ZYX: variants seen among roughly 807,000 people sequenced by gnomAD.
ZYX encodes the protein zyxin, also known as zyxin-2.
A neutral mutation model predicts 58.1 loss-of-function variants in ZYX; 37 were observed. The ratio of observed to expected loss-of-function variants is 0.64; its 90% confidence interval spans 0.49 to 0.84. The LOEUF (loss-of-function observed/expected upper bound fraction) is 0.84, where lower values mean the gene tolerates loss of function less well. ZYX is among the 40% of genes least tolerant of loss of function. The pLI is 0.00. For synonymous variants in ZYX, 324 were observed against 321.1 expected (o/e 1.01, Z -0.10); for missense variants, 762 against 761.6 (o/e 1.00, Z -0.01).
Position 143,388,450 on chromosome 7 carries a change from C to A in ZYX, c.1145-39C>A, listed in dbSNP as rs1204613257. On this transcript the variant is annotated intron_variant, in intron 6 of 9. Transcript: ENST00000322764. This position sits in a 1 kb window ranked among gnomAD's most constrained non-coding sequence, Gnocchi z 7.5. ...GGCTGATCCCTCGCAGCTCTACATACTTCCTTCTATTTACTGCTGTCTTCT... is the reference window on the plus strand; with the variant it reads ...GGCTGATCCCTCGCAGCTCTACATAATTCCTTCTATTTACTGCTGTCTTCT... The A allele has an allele frequency of 1.9e-6, 3 of 1,606,428 alleles. No homozygotes were observed. Among genetic ancestry groups the A allele is most frequent in the Admixed American group, 1.7e-5 (1 of 59,758 alleles).
rs573229236 is a variant in ZYX at position 143,384,974 on chromosome 7, G to C, written c.1023+1652G>C. On this transcript the variant is annotated intron_variant, in intron 5 of 9. Coordinates refer to ENST00000322764, the MANE Select transcript of ZYX (RefSeq NM_003461.5). This position sits in a 1 kb window ranked among gnomAD's most constrained non-coding sequence, Gnocchi z 4.9. The stretch of plus-strand genomic sequence containing the variant: ...GGCCAGAGATGTCTAGCATGGTAGT[G>C]GGGCACAGTGACACTGTGACGCTGG... Among the ~76,000 whole-genome samples, 2 of 152,232 alleles carry C rather than the reference G, an allele frequency of 1.3e-5. No individual in the cohort carries two copies. Among genetic ancestry groups the C allele is most frequent in the South Asian group, 4.1e-4 (2 of 4,820 alleles).
At position 143,388,434 on chromosome 7, in the gene ZYX, C is replaced by A; in HGVS notation, c.1145-55C>A. 3 of 1,604,916 alleles carry A rather than the reference C, an allele frequency of 1.9e-6. No individual in the cohort carries two copies. The highest frequency in any genetic ancestry group is 2.6e-6 in the Non-Finnish European group (3 of 1,173,630). ...ACTCCCTATCTGAGCTGGCTGATCC[C>A]TCGCAGCTCTACATACTTCCTTCTA... On this transcript the variant is annotated intron_variant, in intron 6 of 9. Coordinates refer to ENST00000322764, the MANE Select transcript of ZYX (RefSeq NM_003461.5). This position sits in a 1 kb window ranked among gnomAD's most constrained non-coding sequence, Gnocchi z 7.5.
Position 143,382,696 on chromosome 7 carries a change from G to A in ZYX, c.501+11G>A, listed in dbSNP as rs774513172. ...CCTTTCAAAGCCCGGGTAAGGGACC[G>A]GAGAGTAGGAAAAGCAGGGCTCAGG... On this transcript the variant is annotated intron_variant, in intron 4 of 9. Coordinates refer to ENST00000322764, the MANE Select transcript of ZYX (RefSeq NM_003461.5). The A allele has an allele frequency of 5.6e-6, 9 of 1,614,090 alleles. No homozygotes were observed. Among genetic ancestry groups the A allele is most frequent in the Non-Finnish European group, 6.8e-6 (8 of 1,179,982 alleles).
At chr7:143,383,441 T>C in intron 5 of ZYX, 119 bp downstream of exon 5, 2 of 1,146,994 alleles carry the variant, frequency 1.7e-6, no homozygotes, top group South Asian at 1.7e-5. Flanking sequence ...GGTTGCGGGG[T>C]GGCGGGATAG....
In ZYX at chr7:143,382,361, C is replaced by T. The variant is rs757116298; in HGVS notation, c.322C>T (p.Pro108Ser). The T allele has an allele frequency of 1.3e-6, 2 of 1,596,950 alleles. No homozygotes were observed. The highest frequency in any genetic ancestry group is 2.2e-5 in the East Asian group (1 of 44,572). The change falls in exon 3 of 10, where the codon CCT becomes TCT. Residue 108 changes from proline (P) to serine (S), a missense_variant. Pro to Ser is a moderately conservative substitution (Grantham distance 74). Transcript: ENST00000322764. ...GATCGAGGAATCATTTCCCCCTGCGCCTCTGGAGGAGGAGATCTTCCCTTC... is the reference window on the plus strand; with the variant it reads ...GATCGAGGAATCATTTCCCCCTGCGTCTCTGGAGGAGGAGATCTTCCCTTC... ...PPIEESFPPA[P>S]LEEEIFPSPP...
Position 143,383,204 on chromosome 7 carries a change from T to C in ZYX, c.905T>C (p.Leu302Pro), listed in dbSNP as rs751355894. ...PNQKLGHPEA[L>P]SAGTGSPQPP... The stretch of plus-strand genomic sequence containing the variant: ...CAAAAATTGGGGCACCCCGAAGCTC[T>C]TTCTGCTGGCACAGGCTCCCCTCAA... The change falls in exon 5 of 10, where the codon CTT (leucine) becomes CCT (proline). Residue 302 changes from leucine (L) to proline (P), a missense_variant. Transcript: ENST00000322764. The C allele has an allele frequency of 1.2e-5, 19 of 1,614,050 alleles. No homozygotes were observed. Among genetic ancestry groups the C allele is most frequent in the Admixed American group, 1.2e-4 (7 of 60,006 alleles).
At chr7:143,382,716 C>A in intron 4 of ZYX, 31 bp downstream of exon 4, 1 of 1,614,036 alleles carries the variant, frequency 6.2e-7, no homozygotes, top group East Asian at 2.2e-5. Context: ...AAAAGCAGGG[C>A]TCAGGGCCAG....
rs373566522 is a variant in ZYX at position 143,388,689 on chromosome 7, C to T, written c.1314+31C>T. 7 of 1,611,568 alleles carry T rather than the reference C, an allele frequency of 4.3e-6. No individual in the cohort carries two copies. The highest frequency in any genetic ancestry group is 5.9e-6 in the Non-Finnish European group (7 of 1,178,356). On this transcript the variant is annotated intron_variant, in intron 7 of 9. Coordinates refer to ENST00000322764, the MANE Select transcript of ZYX (RefSeq NM_003461.5). This position sits in a 1 kb window ranked among gnomAD's most constrained non-coding sequence, Gnocchi z 7.5. ...TCGGGCTGTGCTGGGCTGTGCTGGG[C>T]TGTGCTGGGCAGTCGGGCCCTGGAA...
intron 5 of ZYX, among the ~76,000 whole-genome samples, chr7:143,383,608 G>T (rs1169262213): frequency 6.6e-6 from 1 of 152,190 alleles, no homozygotes; most frequent in Non-Finnish European, 1.5e-5. Flanking sequence ...ACCTTTCCTT[G>T]TGCCTTTACC....
intron 1 of ZYX, 39 bp from the exon 2 acceptor site, chr7:143,381,518 G>T (rs999102347): frequency 4.4e-4 from 685 of 1,567,514 alleles, no homozygotes; most frequent in Non-Finnish European, 5.6e-4. Flanking sequence ...GGGCTCCTGA[G>T]CCCGGCTCCG....
In ZYX at chr7:143,383,260, G is replaced by A. The variant is rs202040821; in HGVS notation, c.961G>A (p.Glu321Lys). ...PPSFTYAQQREKPRVQEKQHP... is the reference protein window; with the variant it reads ...PPSFTYAQQRKKPRVQEKQHP... ...CAGCTTCACCTATGCCCAGCAGAGG[G>A]AGAAGCCCCGAGTGCAGGAGAAGCA... Residue 321 changes from glutamate (E) to lysine (K), a missense_variant, in exon 5 of 10, where the codon GAG becomes AAG. Physicochemically the swap from Glu to Lys is moderately conservative, Grantham distance 56 (BLOSUM62 1). Transcript: ENST00000322764. 1 of 1,613,934 alleles carries A rather than the reference G, an allele frequency of 6.2e-7. No homozygotes were observed. Among genetic ancestry groups the A allele is most frequent in the East Asian group, 2.2e-5 (1 of 44,860 alleles).
chr7:143,387,252 AGGGGCAGTGAAGCCAG>A lies in ZYX; in HGVS notation c.1024-964_1024-949del, dbSNP rs1301167274. Among the ~76,000 whole-genome samples, 2 of 151,342 alleles carry A rather than the reference AGGGGCAGTGAAGCCAG, an allele frequency of 1.3e-5. No homozygotes were observed. On this transcript the variant is annotated intron_variant, in intron 5 of 9. Coordinates refer to ENST00000322764, the MANE Select transcript of ZYX (RefSeq NM_003461.5). The surrounding 1 kb of genome is among the most constrained non-coding windows in gnomAD (Gnocchi z 5.8). ...CTGGGTACAGATGGGGGTCGGGGTG[AGGGGCAGTGAAGCCAG>A]GGCTGAGGGGAGAGGGGCTATGGGA...
At chr7:143,382,565 A>ATAGG (rs774097265) in intron 3 of ZYX, 28 bp from the exon 4 acceptor site, 1 of 1,611,362 alleles carries the variant, frequency 6.2e-7, no homozygotes. Context: ...GAGGCATGGA[A>ATAGG]TAGGTGCTCT....
At position 143,388,000 on chromosome 7, in the gene ZYX, C is replaced by A; in HGVS notation, c.1024-219C>A. The stretch of plus-strand genomic sequence containing the variant: ...GGGCAGAGTGGGTGGAAATGTCTTG[C>A]TGTACGAGATCCAGGCTTAGGTCCC... On this transcript the variant is annotated intron_variant, in intron 5 of 9. Coordinates refer to ENST00000322764, the MANE Select transcript of ZYX (RefSeq NM_003461.5). This position sits in a 1 kb window ranked among gnomAD's most constrained non-coding sequence, Gnocchi z 5.8. 1.6e-6 allele frequency: 1 copy of A among 613,232 alleles called. No homozygotes were observed. The highest frequency in any genetic ancestry group is 3.0e-6 in the Non-Finnish European group (1 of 338,010). 38.0% of individuals were successfully genotyped at this position (613,232 alleles called of 1,614,324 possible).
chr7:143,388,660 T>G lies in ZYX; in HGVS notation c.1314+2T>G, dbSNP rs113113492. 1 of 1,613,550 alleles carries G rather than the reference T, an allele frequency of 6.2e-7. No individual in the cohort carries two copies. Among genetic ancestry groups the G allele is most frequent in the Non-Finnish European group, 8.5e-7 (1 of 1,179,754 alleles). On this transcript the variant is annotated splice_donor_variant, in intron 7 of 9. Transcript: ENST00000322764. LOFTEE classifies it high-confidence loss of function. This position sits in a 1 kb window ranked among gnomAD's most constrained non-coding sequence, Gnocchi z 7.5. The stretch of plus-strand genomic sequence containing the variant: ...CCGTACTGCGAGGGCTGTTACACTG[T>G]GAGTCGGGCTGTGCTGGGCTGTGCT...
chr7:143,384,281 G>A lies in ZYX; in HGVS notation c.1023+959G>A, dbSNP rs776910607. 36 of 470,998 alleles carry A rather than the reference G, an allele frequency of 7.6e-5. No homozygotes were observed. Among genetic ancestry groups the A allele is most frequent in the South Asian group, 5.3e-4 (34 of 64,508 alleles). 29.2% of individuals were successfully genotyped at this position (470,998 alleles called of 1,614,324 possible). On this transcript the variant is annotated intron_variant, in intron 5 of 9. Transcript: ENST00000322764. The surrounding 1 kb of genome is among the most constrained non-coding windows in gnomAD (Gnocchi z 4.9). ...GGCACTCAGACCAGGGAGTCAACTC[G>A]GGGAGTCAAATTAGGAAAGGCTTCG...
Position 143,388,958 on chromosome 7 carries a change from C to G in ZYX, c.1493+13C>G, listed in dbSNP as rs754472506. The G allele has an allele frequency of 1.1e-5, 18 of 1,599,484 alleles. No individual in the cohort carries two copies. In the Admixed American group the frequency reaches 2.9e-4, roughly 26 times the overall value. On this transcript the variant is annotated intron_variant, in intron 8 of 9. Transcript: ENST00000322764. The surrounding 1 kb of genome is among the most constrained non-coding windows in gnomAD (Gnocchi z 7.5). ...CCGACTACCACAAGTGAGGACCTGCCACCTGCCTTCTGGGTTCCCGGCGTG... is the reference window on the plus strand; with the variant it reads ...CCGACTACCACAAGTGAGGACCTGCGACCTGCCTTCTGGGTTCCCGGCGTG...
rs1204567646 is a variant in ZYX at position 143,390,138 on chromosome 7, C to T, written c.1614+161C>T. Among the ~76,000 whole-genome samples, 1 of 152,142 alleles carries T rather than the reference C, an allele frequency of 6.6e-6. No individual in the cohort carries two copies. Among genetic ancestry groups the T allele is most frequent in the Non-Finnish European group, 1.5e-5 (1 of 68,038 alleles). On this transcript the variant is annotated intron_variant, in intron 9 of 9. Coordinates refer to ENST00000322764, the MANE Select transcript of ZYX (RefSeq NM_003461.5). The surrounding 1 kb of genome is among the most constrained non-coding windows in gnomAD (Gnocchi z 4.3). The stretch of plus-strand genomic sequence containing the variant: ...CCCCATCTGTCCTGCCAGAATGCTT[C>T]CTGCCACTGCAGGAAATGGGGCTGT...
Position 143,382,649 on chromosome 7 carries a change from G to A in ZYX, c.465G>A (p.Leu155=). Residue 155 remains leucine (L), a synonymous_variant, in exon 4 of 10, where the codon CTG becomes CTA. Transcript: ENST00000322764. ...AGATCGACTCTCTGTCCTCACTGCT[G>A]GATGACATGACCAAGAATGATCCTT... The part of the protein sequence containing the change: ...DLEIDSLSSL[L]DDMTKNDPFK... The A allele has an allele frequency of 1.2e-6, 2 of 1,614,104 alleles. No individual in the cohort carries two copies. Among genetic ancestry groups the A allele is most frequent in the Non-Finnish European group, 1.7e-6 (2 of 1,179,994 alleles).
Sources: gnomAD v4.1 joint callset for allele counts (sites outside exome capture counted in the v4.1 genomes callset) on GRCh38, gnomAD v4.1.1 for gene constraint, Gnocchi (gnomAD v3.1) non-coding constraint, MANE v1.5 for transcripts, NCBI Gene and HGNC (gene_info 2026-07-23, HGNC 2026-07-21) for gene names.